Variants in NKAIN2 observed in about 807,000 individuals in gnomAD.
NKAIN2 encodes the protein sodium/potassium-transporting ATPase subunit beta-1-interacting protein 2.
In NKAIN2, 14 loss-of-function variants were observed where a neutral mutation model predicts 32.6. The ratio of observed to expected loss-of-function variants is 0.43; its 90% confidence interval spans 0.28 to 0.67. The LOEUF (loss-of-function observed/expected upper bound fraction) is 0.67, where lower values mean the gene tolerates loss of function less well. Among genes scored for constraint, NKAIN2 ranks in the 30% least tolerant of loss-of-function variants. NKAIN2 has a pLI of 0.17. For synonymous variants in NKAIN2, 80 were observed against 87.2 expected (o/e 0.92, Z 0.46); for missense variants, 198 against 258.3 (o/e 0.77, Z 1.60).
intron 1 of NKAIN2, among the ~76,000 whole-genome samples, chr6:124,240,547 A>G (rs977367624): frequency 6.6e-6 from 1 of 152,010 alleles, no homozygotes; most frequent in Non-Finnish European, 1.5e-5. Flanking sequence ...CTTACCCACC[A>G]TGATCAAGTC....
intron 1 of NKAIN2, among the ~76,000 whole-genome samples, chr6:124,223,650 A>G (rs1791950740): frequency 6.6e-6 from 1 of 152,230 alleles, no homozygotes; most frequent in Non-Finnish European, 1.5e-5. Flanking sequence ...AAGATTCTAT[A>G]CAAGATGTAA....
chr6:124,209,158 A>G (rs934824431), intron 1 of NKAIN2, among the ~76,000 whole-genome samples: 5 of 151,054 alleles, frequency 3.3e-5, no homozygotes, highest in Admixed American at 2.7e-4. Flanking sequence ...CCATCACTCT[A>G]CTCTCTATCT....
At chr6:123,804,692 C>CT (rs1047426845) in intron 1 of NKAIN2, among the ~76,000 whole-genome samples, 3 of 151,554 alleles carry the variant, frequency 2.0e-5, no homozygotes, top group South Asian at 4.2e-4. Context: ...TGTTTTTTTT[C>CT]TTTTTTTAAG....
intron 1 of NKAIN2, among the ~76,000 whole-genome samples, chr6:124,044,476 A>G (rs549982510): frequency 1.1e-3 from 174 of 152,160 alleles, no homozygotes; most frequent in Non-Finnish European, 1.9e-3. Context: ...AGTAACTACT[A>G]CTACTGAGAT....
intron 1 of NKAIN2, among the ~76,000 whole-genome samples, chr6:123,960,255 G>T (rs1461404458): frequency 6.6e-6 from 1 of 152,182 alleles, no homozygotes; most frequent in African/African-American, 2.4e-5. Context: ...CCATCAGGTT[G>T]CGGTCTCTGG....
rs1305598904 is a variant in NKAIN2 at position 124,355,191 on chromosome 6, A to C, written c.193-76A>C. On this transcript the variant is annotated intron_variant, in intron 2 of 6. Transcript: ENST00000368417. ...CACTAATCTTATATTAGGGTGTGCGAAAGTTCGTTTTATTTGAATCATACT... is the reference window on the plus strand; with the variant it reads ...CACTAATCTTATATTAGGGTGTGCGCAAGTTCGTTTTATTTGAATCATACT... 7 of 932,956 alleles carry C rather than the reference A, an allele frequency of 7.5e-6. No homozygotes were observed. The South Asian group carries it at 9.8e-5, about 13-fold the overall frequency. The allele number at this position is 932,956 out of a possible 1,614,324, so 57.8% of individuals were successfully genotyped here. A position where few individuals can be genotyped will look rare whatever the true frequency, so the allele number is the denominator to read the frequency against.
At chr6:124,539,835 C>G (rs931339854) in intron 3 of NKAIN2, among the ~76,000 whole-genome samples, 3 of 152,122 alleles carry the variant, frequency 2.0e-5, no homozygotes, top group Non-Finnish European at 4.4e-5. Flanking sequence ...ATTCTCCTGC[C>G]TCAGCCTCCC....
intron 1 of NKAIN2, among the ~76,000 whole-genome samples, chr6:123,997,593 T>C (rs943704746): frequency 6.9e-6 from 1 of 144,410 alleles, no homozygotes; most frequent in African/African-American, 2.6e-5. Context: ...AACTGGAGTT[T>C]ATTCTTTTTT....
At chr6:124,112,483 T>C (rs1785429617) in intron 1 of NKAIN2, among the ~76,000 whole-genome samples, 1 of 152,202 alleles carries the variant, frequency 6.6e-6, no homozygotes, top group Non-Finnish European at 1.5e-5. Flanking sequence ...TCTTGATGAA[T>C]TCAAAATTCT....
intron 1 of NKAIN2, among the ~76,000 whole-genome samples, chr6:123,837,639 C>A (rs977320567): frequency 3.3e-5 from 5 of 152,120 alleles, no homozygotes; most frequent in Admixed American, 2.6e-4. Flanking sequence ...AAATTCATGT[C>A]TTTCCTCCAC....
At chr6:124,362,804 G>GA (rs1458538568) in intron 3 of NKAIN2, among the ~76,000 whole-genome samples, 4 of 151,844 alleles carry the variant, frequency 2.6e-5, no homozygotes, top group African/African-American at 7.3e-5. Context: ...AATTTATTTT[G>GA]AAAAAATGAA....
chr6:124,026,681 C>T (rs1781127946), intron 1 of NKAIN2, among the ~76,000 whole-genome samples: 1 of 152,204 alleles, frequency 6.6e-6, no homozygotes, highest in Non-Finnish European at 1.5e-5. Context: ...TGTGTTCAGA[C>T]AGCCACCACT....
intron 3 of NKAIN2, among the ~76,000 whole-genome samples, chr6:124,493,848 G>C (rs186478174): frequency 6.6e-6 from 1 of 150,908 alleles, no homozygotes. Context: ...TGGTTGACAC[G>C]ACCCCTTACT....
chr6:124,108,710 T>C (rs1785231345), intron 1 of NKAIN2, among the ~76,000 whole-genome samples: 3 of 152,036 alleles, frequency 2.0e-5, no homozygotes, highest in African/African-American at 7.2e-5. Flanking sequence ...TTTAAGTTGA[T>C]TTTTGTCTAT....
intron 4 of NKAIN2, among the ~76,000 whole-genome samples, chr6:124,686,519 A>G: frequency 6.6e-6 from 1 of 152,116 alleles, no homozygotes; most frequent in East Asian, 1.9e-4. Flanking sequence ...TAACAAGAAC[A>G]GCACTAGGGG....
intron 3 of NKAIN2, among the ~76,000 whole-genome samples, chr6:124,412,649 C>T (rs13195281): frequency 0.4 from 60,552 of 151,948 alleles, 13,768 homozygotes; most frequent in South Asian, 0.59. Context: ...GCAGTCTGCC[C>T]ATTCTCAGAT....
intron 2 of NKAIN2, among the ~76,000 whole-genome samples, chr6:124,345,110 G>C (rs930312902): frequency 6.6e-6 from 1 of 152,106 alleles, no homozygotes; most frequent in East Asian, 1.9e-4. Flanking sequence ...TTTGTCTTTG[G>C]TTCTGTTTAT....
intron 3 of NKAIN2, among the ~76,000 whole-genome samples, chr6:124,456,198 T>TA (rs1348932262): frequency 1.3e-5 from 2 of 152,000 alleles, no homozygotes; most frequent in African/African-American, 4.8e-5. Flanking sequence ...CTAATGTCAA[T>TA]ACATACAAAG....
At chr6:124,453,368 C>G (rs900401358) in intron 3 of NKAIN2, among the ~76,000 whole-genome samples, 1 of 147,220 alleles carries the variant, frequency 6.8e-6, no homozygotes, top group Non-Finnish European at 1.5e-5. Flanking sequence ...CACACACACA[C>G]AGTTCTGAGG....
Sources: gnomAD v4.1 joint callset for allele counts (sites outside exome capture counted in the v4.1 genomes callset) on GRCh38, gnomAD v4.1.1 for gene constraint, MANE v1.5 for transcripts, NCBI Gene and HGNC (gene_info 2026-07-23, HGNC 2026-07-21) for gene names.